ZFP1: variants seen among roughly 807,000 people sequenced by gnomAD.
ZFP1 encodes zinc finger protein 1 homolog.
ZFP1 carries 32 observed loss-of-function variants against 38.5 expected under a neutral mutation model. That is an observed-to-expected ratio of 0.83 (90% CI 0.63 to 1.12). The LOEUF (loss-of-function observed/expected upper bound fraction) is 1.12, where lower values mean the gene tolerates loss of function less well. ZFP1 is among the 50% of genes most tolerant of loss of function. ZFP1 has a pLI of 0.00. For missense variants in ZFP1, 616 were observed against 480.8 expected (o/e 1.28, Z -2.63); for synonymous variants, 245 against 168.8 (o/e 1.45, Z -3.50).
intron 2 of ZFP1, among the ~76,000 whole-genome samples, chr16:75,161,271 G>A (rs770980180): frequency 2.0e-5 from 3 of 151,872 alleles, no homozygotes; most frequent in Admixed American, 6.6e-5. Context: ...GTTTCTCCAC[G>A]TTGTCCAGGC....
the ZFP1 span, among the ~76,000 whole-genome samples, chr16:75,142,202 A>C: frequency 4.3e-5 from 5 of 116,324 alleles, no homozygotes; most frequent in African/African-American, 1.4e-4. Flanking sequence ...CTAAAAATAC[A>C]AAAAAAAAAA....
chr16:75,141,196 T>A, the ZFP1 span, among the ~76,000 whole-genome samples: 4 of 23,058 alleles, frequency 1.7e-4, no homozygotes, highest in South Asian at 6.0e-3. Context: ...TGGGTCATTC[T>A]TTTTTTTTTT....
chr16:75,135,837 C>G, the ZFP1 span, among the ~76,000 whole-genome samples: 1 of 152,136 alleles, frequency 6.6e-6, no homozygotes, highest in South Asian at 2.1e-4. Context: ...TTTTTTGAGA[C>G]GGAGTCTCAC....
At chr16:75,124,858 A>C in the ZFP1 span, among the ~76,000 whole-genome samples, 1 of 141,098 alleles carries the variant, frequency 7.1e-6, no homozygotes, top group African/African-American at 2.9e-5. Flanking sequence ...TATAAAAATA[A>C]AGAGGTTTTT....
chr16:75,171,406 CTA>C lies in ZFP1; in HGVS notation c.*1074_*1075del, dbSNP rs2038426796. The stretch of plus-strand genomic sequence containing the variant: ...CCCCCTTTAGAAGTAAATTTTTACA[CTA>C]TTTTGTTGTTTAAAGGAGGCATTTC... On this transcript the variant is annotated 3_prime_UTR_variant, in exon 4 of 4. Coordinates refer to ENST00000570010, the MANE Select transcript of ZFP1 (RefSeq NM_153688.4). 6.6e-6 allele frequency: 1 copy of C among 152,154 alleles called. No homozygotes were observed. The highest frequency in any genetic ancestry group is 6.5e-5 in the Admixed American group (1 of 15,272). 9.4% of individuals were successfully genotyped at this position (152,154 alleles called of 1,614,324 possible). A position where few individuals can be genotyped will look rare whatever the true frequency, so the allele number is the denominator to read the frequency against.
rs547609709 is a variant in ZFP1 at position 75,166,112 on chromosome 16, AG to A, written c.16-657del. Among the ~76,000 whole-genome samples the A allele has an allele frequency of 9.2e-5, 14 of 152,332 alleles. No homozygotes were observed. In the South Asian group the frequency reaches 2.9e-3, roughly 32 times the overall value. On this transcript the variant is annotated intron_variant, in intron 2 of 3. Transcript: ENST00000570010. ...TGGAAGTTCATCTTCTGCCTTAAAG[AG>A]TTAAAACTTTGACTATTTAAACATC...
At chr16:75,119,917 G>A in the ZFP1 span, among the ~76,000 whole-genome samples, 1 of 151,294 alleles carries the variant, frequency 6.6e-6, no homozygotes. Context: ...AAAAAAAAAA[G>A]GAAAGATTTT....
chr16:75,155,512 C>CT (rs370831551), intron 2 of ZFP1, among the ~76,000 whole-genome samples: 3 of 152,118 alleles, frequency 2.0e-5, no homozygotes, highest in Non-Finnish European at 4.4e-5. Flanking sequence ...GTTGCTCATT[C>CT]TTTTTTTTCC....
At chr16:75,161,786 T>TTTA (rs1567533164) in intron 2 of ZFP1, among the ~76,000 whole-genome samples, 5 of 27,114 alleles carry the variant, frequency 1.8e-4, no homozygotes, top group African/African-American at 5.9e-4. Context: ...TTTTTTTTTT[T>TTTA]TTTTTTTTTT....
chr16:75,171,385 C>G lies in ZFP1; in HGVS notation c.*1051C>G, dbSNP rs146250271. On this transcript the variant is annotated 3_prime_UTR_variant, in exon 4 of 4. Transcript: ENST00000570010. ...TTAAATTTTTCACGTGCATAACCCC[C>G]TTTAGAAGTAAATTTTTACACTATT... 5.3e-3 allele frequency: 809 copies of G among 152,302 alleles called. 5 individuals are homozygous for G. The highest frequency in any genetic ancestry group is 0.018 in the African/African-American group (767 of 41,570). 9.4% of individuals were successfully genotyped at this position (152,302 alleles called of 1,614,324 possible). A position where few individuals can be genotyped will look rare whatever the true frequency, so the allele number is the denominator to read the frequency against.
At chr16:75,151,007 G>A (rs1046894538) in intron 1 of ZFP1, among the ~76,000 whole-genome samples, 2 of 151,938 alleles carry the variant, frequency 1.3e-5, no homozygotes, top group Non-Finnish European at 2.9e-5. Flanking sequence ...CAAGGTGTGA[G>A]CCACCACACT....
At chr16:75,156,323 A>G (rs556468984) in intron 2 of ZFP1, among the ~76,000 whole-genome samples, 27 of 152,180 alleles carry the variant, frequency 1.8e-4, no homozygotes, top group Non-Finnish European at 3.5e-4. Flanking sequence ...CGGGCGTGGT[A>G]GCATGCGCCT....
the ZFP1 span, among the ~76,000 whole-genome samples, chr16:75,139,246 G>A: frequency 1.3e-5 from 2 of 151,898 alleles, no homozygotes; most frequent in South Asian, 4.2e-4. Context: ...GCGGGTGCCT[G>A]TAGTCCCAGC....
chr16:75,162,488 T>C (rs553221460), intron 2 of ZFP1, among the ~76,000 whole-genome samples: 1 of 152,340 alleles, frequency 6.6e-6, no homozygotes, highest in African/African-American at 2.4e-5. Context: ...TTTTGACGTT[T>C]CCATGTATTG....
chr16:75,156,923 C>T (rs1396787216), intron 2 of ZFP1, among the ~76,000 whole-genome samples: 2 of 152,328 alleles, frequency 1.3e-5, no homozygotes, highest in Non-Finnish European at 2.9e-5. Flanking sequence ...GCATTCTGCC[C>T]TCAGGTTAAT....
rs1337695984 is a variant in ZFP1 at position 75,167,043 on chromosome 16, G to GCTCTATCAT, written c.142+151_142+159dup. 6 of 1,414,398 alleles carry GCTCTATCAT rather than the reference G, an allele frequency of 4.2e-6. No individual in the cohort carries two copies. The Admixed American group carries it at 1.3e-4, about 30-fold the overall frequency. 87.6% of individuals were successfully genotyped at this position (1,414,398 alleles called of 1,614,324 possible). On this transcript the variant is annotated intron_variant, in intron 3 of 3. Coordinates refer to ENST00000570010, the MANE Select transcript of ZFP1 (RefSeq NM_153688.4). ...CCTGAGAGATCTTGCAGCCTTTAAAGCTCTATCATCTCCTTTCCTTTAAGG... is the reference window on the plus strand; with the variant it reads ...CCTGAGAGATCTTGCAGCCTTTAAAGCTCTATCATCTCTATCATCTCCTTTCCTTTAAGG...
At chr16:75,149,791 T>A (rs2037094090) in intron 1 of ZFP1, among the ~76,000 whole-genome samples, 1 of 151,880 alleles carries the variant, frequency 6.6e-6, no homozygotes, top group Admixed American at 6.6e-5. Context: ...AATTTTTATA[T>A]CTTGTATTTT....
chr16:75,130,337 G>A, the ZFP1 span, among the ~76,000 whole-genome samples: 1 of 152,092 alleles, frequency 6.6e-6, no homozygotes. Flanking sequence ...GCTTCTGGGG[G>A]TCTTGCAGCC....
chr16:75,132,413 T>C, the ZFP1 span: 1 of 152,236 alleles, frequency 6.6e-6, no homozygotes, highest in African/African-American at 2.4e-5. Context: ...ATTTGTTCTG[T>C]AGAAATTTCC....
Sources: allele counts gnomAD v4.1 joint callset (sites outside exome capture counted in the v4.1 genomes callset), GRCh38; gene constraint gnomAD v4.1.1; transcripts MANE v1.5; gene names NCBI Gene and HGNC (gene_info 2026-07-23, HGNC 2026-07-21).